Variants in NT5DC1 observed in about 807,000 individuals in gnomAD.
The protein encoded by NT5DC1 is 5'-nucleotidase domain containing 1, also known as 5'-nucleotidase domain-containing protein 1.
NT5DC1 carries 42 observed loss-of-function variants against 59.4 expected under a neutral mutation model. That is an observed-to-expected ratio of 0.71 (90% CI 0.55 to 0.92). The LOEUF (loss-of-function observed/expected upper bound fraction) is 0.92. Among genes scored for constraint, NT5DC1 ranks in the 40% least tolerant of loss-of-function variants. The probability of loss-of-function intolerance (pLI) is 0.00; values close to 1 mark genes in which losing one functional copy is unlikely to be tolerated. For missense variants in NT5DC1, 501 were observed against 537.1 expected (o/e 0.93, Z 0.66); for synonymous variants, 172 against 188.1 (o/e 0.91, Z 0.70).
chr6:116,215,368 C>T (rs1251427963), intron 6 of NT5DC1, among the ~76,000 whole-genome samples: 3 of 152,084 alleles, frequency 2.0e-5, no homozygotes, highest in Admixed American at 1.3e-4. Context: ...TGACTGTAAG[C>T]TCTATATTTT....
intron 6 of NT5DC1, among the ~76,000 whole-genome samples, chr6:116,161,605 G>A (rs568762128): frequency 5.3e-5 from 8 of 152,202 alleles, no homozygotes; most frequent in African/African-American, 1.9e-4. Flanking sequence ...TTTTGTACCA[G>A]TAGCATGCTG....
intron 6 of NT5DC1, among the ~76,000 whole-genome samples, chr6:116,157,150 T>C (rs9488854): frequency 0.026 from 3,975 of 152,288 alleles, 159 homozygotes; most frequent in African/African-American, 0.09. Context: ...AACTAACCTT[T>C]GGTAATATGT....
At chr6:116,173,227 C>T (rs563592307) in intron 6 of NT5DC1, among the ~76,000 whole-genome samples, 4 of 152,312 alleles carry the variant, frequency 2.6e-5, no homozygotes, top group African/African-American at 9.6e-5. Context: ...GTGTCAGTGG[C>T]TACTCCTTAC....
intron 6 of NT5DC1, among the ~76,000 whole-genome samples, chr6:116,219,835 G>T (rs564126593): frequency 2.6e-5 from 4 of 151,728 alleles, no homozygotes; most frequent in African/African-American, 9.7e-5. Context: ...GGTGGCACAC[G>T]CCTGTAGTCC....
At chr6:116,148,369 T>G (rs1158188955) in intron 6 of NT5DC1, among the ~76,000 whole-genome samples, 1 of 152,220 alleles carries the variant, frequency 6.6e-6, no homozygotes. Context: ...GTAGCATTTG[T>G]TTTCATTGCA....
intron 5 of NT5DC1, among the ~76,000 whole-genome samples, 160 bp downstream of exon 5, chr6:116,115,930 T>A (rs968090033): frequency 6.6e-6 from 1 of 152,166 alleles, no homozygotes; most frequent in African/African-American, 2.4e-5. Flanking sequence ...GTTCAAATAT[T>A]TTTGGAAAAT....
chr6:116,106,165 A>G (rs1169131403), intron 1 of NT5DC1, 79 bp from the exon 2 acceptor site: 7 of 795,208 alleles, frequency 8.8e-6, no homozygotes, highest in African/African-American at 3.4e-5. Context: ...CAGCAATTCC[A>G]TTAGGGTTTT....
At chr6:116,125,291 A>C in intron 6 of NT5DC1, 3 of 1,588,380 alleles carry the variant, frequency 1.9e-6, no homozygotes, top group Non-Finnish European at 2.6e-6. Context: ...AGATTATAGA[A>C]AGCAACAAGC....
chr6:116,156,800 T>TC (rs1780205677), intron 6 of NT5DC1, among the ~76,000 whole-genome samples: 1 of 152,090 alleles, frequency 6.6e-6, no homozygotes, highest in African/African-American at 2.4e-5. Context: ...AAAGTAGAGA[T>TC]CAGATAGCAA....
intron 6 of NT5DC1, among the ~76,000 whole-genome samples, chr6:116,194,667 A>T (rs1476096737): frequency 6.6e-6 from 1 of 152,078 alleles, no homozygotes; most frequent in African/African-American, 2.4e-5. Context: ...AAGTCAGTAG[A>T]TGTTGTTTAT....
At chr6:116,137,574 G>A (rs770241966) in intron 6 of NT5DC1, 4 of 214,268 alleles carry the variant, frequency 1.9e-5, no homozygotes, top group Admixed American at 4.1e-5. Context: ...CAAAGGCTGC[G>A]TTTTCCCACT....
chr6:116,243,066 G>A (rs576557814), intron 11 of NT5DC1, among the ~76,000 whole-genome samples: 1 of 152,276 alleles, frequency 6.6e-6, no homozygotes, highest in South Asian at 2.1e-4. Flanking sequence ...CTTCAGTCTC[G>A]TGTTTATATT....
chr6:116,103,654 T>C (rs547962473), intron 1 of NT5DC1, among the ~76,000 whole-genome samples: 1 of 152,230 alleles, frequency 6.6e-6, no homozygotes, highest in African/African-American at 2.4e-5. Context: ...GGCTGCATCA[T>C]GGAGAGCTGT....
At position 116,238,299 on chromosome 6, in the gene NT5DC1, G is replaced by A. The variant is rs762381131; in HGVS notation, c.1034G>A (p.Ser345Asn). The A allele has an allele frequency of 6.2e-7, 1 of 1,613,364 alleles. No homozygotes were observed. The highest frequency in any genetic ancestry group is 1.1e-5 in the South Asian group (1 of 91,024). ...CTCAGAGGGGATGAAGGCACGAGGA[G>A]TCAGAGGCCTGAGGAGTCAGAGCCT... ...EELRGDEGTRSQRPEESEPLE... is the reference protein window; with the variant it reads ...EELRGDEGTRNQRPEESEPLE... The change falls in exon 10 of 12, where the codon AGT becomes AAT. Residue 345 changes from serine (S) to asparagine (N), a missense_variant. Transcript: ENST00000319550.
intron 6 of NT5DC1, among the ~76,000 whole-genome samples, chr6:116,164,919 T>TA (rs1388449687): frequency 6.6e-6 from 1 of 151,716 alleles, no homozygotes; most frequent in Non-Finnish European, 1.5e-5. Flanking sequence ...CCGTCTCTAC[T>TA]AAAAAAATAA....
chr6:116,135,341 T>C lies in NT5DC1; in HGVS notation c.529+17396T>C, dbSNP rs373917561. On this transcript the variant is annotated intron_variant, in intron 6 of 11. Transcript: ENST00000319550. ...ATCATTAAAATACGAATATTAGAGC[T>C]GAAAGAGATACTAATCCAAGTAAGT... 2.6e-3 allele frequency among the ~76,000 whole-genome samples: 390 copies of C among 152,176 alleles called. 10 individuals carry two copies. The South Asian group carries it at 0.043, about 17-fold the overall frequency.
At chr6:116,160,896 G>A (rs1780311062) in intron 6 of NT5DC1, among the ~76,000 whole-genome samples, 1 of 152,116 alleles carries the variant, frequency 6.6e-6, no homozygotes. Flanking sequence ...GCACACGTAT[G>A]TTTATTGCGG....
At chr6:116,117,547 C>T (rs914108617) in intron 5 of NT5DC1, among the ~76,000 whole-genome samples, 3 of 152,158 alleles carry the variant, frequency 2.0e-5, no homozygotes, top group Non-Finnish European at 4.4e-5. Context: ...TTATCTTAAA[C>T]ATACTCAGAA....
chr6:116,188,892 C>A (rs1385697877), intron 6 of NT5DC1, among the ~76,000 whole-genome samples: 3 of 151,780 alleles, frequency 2.0e-5, no homozygotes, highest in African/African-American at 7.2e-5. Context: ...TAATTTGGAT[C>A]TGTTTATTTA....
Sources: gnomAD v4.1 joint callset for allele counts (sites outside exome capture counted in the v4.1 genomes callset) on GRCh38, gnomAD v4.1.1 for gene constraint, MANE v1.5 for transcripts, NCBI Gene and HGNC (gene_info 2026-07-23, HGNC 2026-07-21) for gene names.